The following DHCR24 variants were observed in gnomAD, a reference collection of about 807,000 sequenced individuals.
DHCR24 encodes delta(24)-sterol reductase.
DHCR24 carries 28 observed loss-of-function variants against 61.2 expected under a neutral mutation model. The observed-to-expected ratio is 0.46, with a 90% CI of 0.34 to 0.63. The LOEUF (loss-of-function observed/expected upper bound fraction) is 0.63. DHCR24 is among the 20% of genes least tolerant of loss of function. The pLI is 0.01. For missense variants in DHCR24, 538 were observed against 679.1 expected, an observed-to-expected ratio of 0.79 and a Z score of 2.31; for synonymous variants, 261 against 275.9, an observed-to-expected ratio of 0.95 and a Z score of 0.54.
At chr1:54,886,572 C>T in intron 1 of DHCR24, 1 of 1,380,588 alleles carries the variant, frequency 7.2e-7, no homozygotes, top group Non-Finnish European at 9.6e-7. Flanking sequence ...CTCCACCTCC[C>T]GGAAGCCTTT....
Position 54,871,523 on chromosome 1 carries a change from T to C in DHCR24, c.703A>G (p.Lys235Glu), listed in dbSNP as rs1267713028. The C allele has an allele frequency of 1.2e-6, 2 of 1,614,080 alleles. No individual in the cohort carries two copies. Among genetic ancestry groups the C allele is most frequent in the Non-Finnish European group, 8.5e-7 (1 of 1,180,042 alleles). ...TCGAAACGCAGCTTGACGTACTTCT[T>C]GGCAGGGATGATGCGGATCTCAGCG... ...VAAEIRIIPA[K>E]KYVKLRFEPV... The change falls in exon 5 of 9, where the codon AAG becomes GAG. Residue 235 changes from lysine to glutamate, a missense_variant. By Grantham distance (56) the Lys-to-Glu change is moderately conservative (BLOSUM62 1). Transcript: ENST00000371269.
At chr1:54,882,925 GT>G (rs1192536189) in intron 2 of DHCR24, among the ~76,000 whole-genome samples, 1 of 152,040 alleles carries the variant, frequency 6.6e-6, no homozygotes, top group Non-Finnish European at 1.5e-5. Flanking sequence ...GGGTATGTTT[GT>G]TGTCTTGATT....
rs370228903 is a variant in DHCR24, at chr1:54,886,997, C to T, written c.123G>A (p.Pro41=). The T allele has an allele frequency of 5.0e-6, 8 of 1,613,508 alleles. No individual in the cohort carries two copies. In the Admixed American group the frequency reaches 1.3e-4, roughly 27 times the overall value. ...AGTAGATATCGAAGATAAGCGAGAG[C>T]GGCAGGAGGAAGAGGCACACGAACA... The part of the protein sequence containing the change: ...RWVFVCLFLL[P]LSLIFDIYYY... The change falls in exon 1 of 9, where the codon CCG becomes CCA. Residue 41 remains proline (P), a synonymous_variant. Coordinates refer to ENST00000371269, the MANE Select transcript of DHCR24 (RefSeq NM_014762.4).
chr1:54,852,447 G>A, intron 8 of DHCR24, 61 bp from the exon 9 acceptor site: 2 of 1,583,470 alleles, frequency 1.3e-6, no homozygotes, highest in East Asian at 4.5e-5. Flanking sequence ...AGGCGTGAGA[G>A]AAACCCAACT....
At chr1:54,863,373 TTAGAATAAAATA>T (rs2101563815) in intron 6 of DHCR24, among the ~76,000 whole-genome samples, 1 of 152,338 alleles carries the variant, frequency 6.6e-6, no homozygotes, top group South Asian at 2.1e-4. Flanking sequence ...CCTATTATAC[TTAGAATAAAATA>T]TAAAGTCCTT....
At chr1:54,880,433 G>A (rs1647057854) in intron 2 of DHCR24, among the ~76,000 whole-genome samples, 1 of 152,152 alleles carries the variant, frequency 6.6e-6, no homozygotes, top group Non-Finnish European at 1.5e-5. Context: ...AAGCCTTTCT[G>A]ACATTGGATA....
At chr1:54,865,658 G>A (rs1185208459) in intron 5 of DHCR24, among the ~76,000 whole-genome samples, 2 of 152,194 alleles carry the variant, frequency 1.3e-5, no homozygotes, top group South Asian at 2.1e-4. Context: ...AGGTTAAGTG[G>A]TGTGTGCCCA....
chr1:54,886,311 G>A (rs1397548603), intron 1 of DHCR24, among the ~76,000 whole-genome samples: 3 of 152,178 alleles, frequency 2.0e-5, no homozygotes, highest in East Asian at 1.9e-4. Context: ...TCCCGCTTCT[G>A]GGCTGGGTTC....
intron 6 of DHCR24, among the ~76,000 whole-genome samples, chr1:54,863,259 C>T (rs1405528626): frequency 2.0e-5 from 3 of 152,178 alleles, no homozygotes; most frequent in Non-Finnish European, 4.4e-5. Context: ...CTCTTCCACT[C>T]TTGTCCACTC....
rs1646894165 is a variant in DHCR24, at chr1:54,854,198, A to G, written c.1057T>C (p.Tyr353His). The G allele has an allele frequency of 6.2e-7, 1 of 1,614,086 alleles. No homozygotes were observed. Among genetic ancestry groups the G allele is most frequent in the Non-Finnish European group, 8.5e-7 (1 of 1,179,990 alleles). ...IPFGNNPIFRYLFGWMVPPKI... is the reference protein window; with the variant it reads ...IPFGNNPIFRHLFGWMVPPKI... ...GGAGGCACCATCCAGCCAAAGAGGT[A>G]GCGGAAGATGGGGTTGTTGCCAAAG... The change falls in exon 7 of 9, where the codon TAC becomes CAC. Residue 353 changes from tyrosine to histidine, a missense_variant. By Grantham distance (83) the Tyr-to-His change is moderately conservative. Transcript: ENST00000371269.
chr1:54,878,092 C>G (rs1647044176), intron 2 of DHCR24, among the ~76,000 whole-genome samples: 1 of 151,274 alleles, frequency 6.6e-6, no homozygotes, highest in East Asian at 1.9e-4. Context: ...GAGAGTTGCA[C>G]AGAGAAAAAA....
At position 54,876,981 on chromosome 1, in the gene DHCR24, C is replaced by G. The variant is rs182109299; in HGVS notation, c.388-934G>C. On this transcript the variant is annotated intron_variant, in intron 2 of 8. Coordinates refer to ENST00000371269, the MANE Select transcript of DHCR24 (RefSeq NM_014762.4). ...GTTCTGTCCAGGAAGGCGGGGACAA[C>G]TTGAAGCAGGGAGAGGGCTTGCGGT... Among the ~76,000 whole-genome samples, 9 of 151,900 alleles carry G rather than the reference C, an allele frequency of 5.9e-5. 1 individual carries two copies. The East Asian group carries it at 1.8e-3, about 31-fold the overall frequency.
At chr1:54,859,082 C>T (rs772954636) in intron 6 of DHCR24, among the ~76,000 whole-genome samples, 4 of 152,314 alleles carry the variant, frequency 2.6e-5, no homozygotes, top group Admixed American at 6.5e-5. Flanking sequence ...GTGTGACCTA[C>T]GACTGGGTCA....
rs1361879899 is a variant in DHCR24, at chr1:54,887,157, C to T, written c.-38G>A. Reference sequence around the variant, plus strand: ...CGCGGTAAGCGCTGCGGGTTCGCGCCTCCTGTCACTGCCGCCAGCTCCGCG... The same window carrying T: ...CGCGGTAAGCGCTGCGGGTTCGCGCTTCCTGTCACTGCCGCCAGCTCCGCG... On this transcript the variant is annotated 5_prime_UTR_variant, in exon 1 of 9. Transcript: ENST00000371269. 1 of 1,511,924 alleles carries T rather than the reference C, an allele frequency of 6.6e-7. No homozygotes were observed. Among genetic ancestry groups the T allele is most frequent in the African/African-American group, 1.4e-5 (1 of 72,256 alleles). The allele number at this position is 1,511,924 out of a possible 1,614,324, so 93.7% of individuals were successfully genotyped here. A position where few individuals can be genotyped will look rare whatever the true frequency, so the allele number is the denominator to read the frequency against.
Position 54,883,527 on chromosome 1 carries a change from T to C in DHCR24, c.387+91A>G, listed in dbSNP as rs1468960270. ...GGCATTGGTCCTGTCCACTCTGCAA[T>C]GCCCTTGGCTAAAATCATCTCCCTA... On this transcript the variant is annotated intron_variant, in intron 2 of 8. Transcript: ENST00000371269. This position sits in a 1 kb window ranked among gnomAD's most constrained non-coding sequence, Gnocchi z 4.3. The C allele has an allele frequency of 6.6e-7, 1 of 1,515,244 alleles. No individual in the cohort carries two copies. The highest frequency in any genetic ancestry group is 9.2e-7 in the Non-Finnish European group (1 of 1,092,136). 93.9% of individuals were successfully genotyped at this position (1,515,244 alleles called of 1,614,324 possible). A position where few individuals can be genotyped will look rare whatever the true frequency, so the allele number is the denominator to read the frequency against.
At position 54,876,032 on chromosome 1, in the gene DHCR24, G is replaced by A. The variant is rs370928581; in HGVS notation, c.403C>T (p.Pro135Ser). 16 of 1,613,782 alleles carry A rather than the reference G, an allele frequency of 9.9e-6. No individual in the cohort carries two copies. Among genetic ancestry groups the A allele is most frequent in the African/African-American group, 1.3e-5 (1 of 74,912 alleles). The change falls in exon 3 of 9, where the codon CCC becomes TCC. Residue 135 changes from proline to serine, a missense_variant. Pro to Ser is a moderately conservative substitution (Grantham distance 74). Coordinates refer to ENST00000371269, the MANE Select transcript of DHCR24 (RefSeq NM_014762.4). The part of the protein sequence containing the change: ...DTKKQIVRVE[P>S]LVTMGQVTAL... ...GTCACCTGGCCCATGGTCACCAAGG[G>A]CTCCACACGGACAATCTGTTGACAC...
At position 54,883,530 on chromosome 1, in the gene DHCR24, C is replaced by T. The variant is rs1647075871; in HGVS notation, c.387+88G>A. ...ATTGGTCCTGTCCACTCTGCAATGC[C>T]CTTGGCTAAAATCATCTCCCTATGA... On this transcript the variant is annotated intron_variant, in intron 2 of 8. Coordinates refer to ENST00000371269, the MANE Select transcript of DHCR24 (RefSeq NM_014762.4). The surrounding 1 kb of genome is among the most constrained non-coding windows in gnomAD (Gnocchi z 4.3). 2.5e-5 allele frequency: 39 copies of T among 1,537,334 alleles called. No homozygotes were observed. The highest frequency in any genetic ancestry group is 3.4e-5 in the Non-Finnish European group (38 of 1,111,982).
rs1267583253 is a variant in DHCR24, at chr1:54,853,414, C to CTA, written c.1397+18_1397+19dup. ...GGGGCTGTCAGCTAGAGGCAACATA[C>CTA]TATACTCTGGGCCACTCACCCATGC... On this transcript the variant is annotated intron_variant, in intron 8 of 8. Transcript: ENST00000371269. 2.5e-6 allele frequency: 4 copies of CTA among 1,613,930 alleles called. No homozygotes were observed. The Admixed American group carries it at 6.7e-5, about 27-fold the overall frequency.
intron 6 of DHCR24, among the ~76,000 whole-genome samples, chr1:54,860,598 C>T (rs1367103995): frequency 6.6e-6 from 1 of 152,192 alleles, no homozygotes; most frequent in African/African-American, 2.4e-5. Flanking sequence ...ACCATGGCTC[C>T]CCTCACTAGA....
Sources: allele counts gnomAD v4.1 joint callset (sites outside exome capture counted in the v4.1 genomes callset), GRCh38; gene constraint gnomAD v4.1.1; non-coding constraint Gnocchi (gnomAD v3.1); transcripts MANE v1.5; gene names NCBI Gene and HGNC (gene_info 2026-07-23, HGNC 2026-07-21).